DOCK2: variants seen among roughly 807,000 people sequenced by gnomAD.
DOCK2 encodes the protein dedicator of cytokinesis protein 2.
Under a neutral mutation model 248.9 loss-of-function variants are expected in DOCK2, and 87 were observed. That is an observed-to-expected ratio of 0.35 (90% CI 0.29 to 0.42). DOCK2 has a LOEUF of 0.42. Ranked by LOEUF, DOCK2 falls within the 10% of genes least tolerant of loss-of-function variation. DOCK2 has a pLI of 1.00. For missense variants in DOCK2, 1,747 were observed against 2,300.2 expected (o/e 0.76, Z 4.92); for synonymous variants, 805 against 821.6 (o/e 0.98, Z 0.35).
chr5:169,897,848 A>G (rs1773701557), intron 27 of DOCK2, among the ~76,000 whole-genome samples: 1 of 152,208 alleles, frequency 6.6e-6, no homozygotes, highest in East Asian at 1.9e-4. Context: ...GGTCTATGTA[A>G]TAGAGGAGTG....
intron 26 of DOCK2, among the ~76,000 whole-genome samples, chr5:169,823,546 A>G (rs1244032460): frequency 6.6e-6 from 1 of 152,246 alleles, no homozygotes; most frequent in Non-Finnish European, 1.5e-5. Flanking sequence ...TAGATGCAGA[A>G]AAGGCCTTTG....
chr5:169,934,478 T>C (rs1775895836), intron 27 of DOCK2, among the ~76,000 whole-genome samples: 1 of 152,208 alleles, frequency 6.6e-6, no homozygotes, highest in Non-Finnish European at 1.5e-5. Context: ...TAGTAAGAGG[T>C]GCATGCACAT....
rs565704705 is a variant in DOCK2, at chr5:170,013,292, A to G, written c.3232+4546A>G. ...TTTACTCATTCGTTTACTAACCAAC[A>G]TCGAGCACTGTGGTAGGCTCCCCAA... On this transcript the variant is annotated intron_variant, in intron 32 of 51. Transcript: ENST00000520908. Among the ~76,000 whole-genome samples the G allele has an allele frequency of 6.6e-5, 10 of 152,226 alleles. No individual in the cohort carries two copies. The South Asian group carries it at 2.1e-3, about 32-fold the overall frequency.
intron 36 of DOCK2, chr5:170,040,703 G>C: frequency 4.2e-6 from 1 of 240,808 alleles, no homozygotes; most frequent in Non-Finnish European, 7.9e-6. Context: ...ATATTGCATT[G>C]GCCAGACCAT....
intron 27 of DOCK2, chr5:169,882,523 A>G: frequency 6.6e-7 from 1 of 1,508,732 alleles, no homozygotes; most frequent in Non-Finnish European, 8.9e-7. Context: ...TCACCCAGTC[A>G]TTTTTAATAT....
chr5:169,859,127 A>G (rs1385629463), intron 27 of DOCK2, among the ~76,000 whole-genome samples: 1 of 152,236 alleles, frequency 6.6e-6, no homozygotes, highest in Non-Finnish European at 1.5e-5. Flanking sequence ...CAGGATGCCC[A>G]CAGTGGAGAG....
At chr5:169,774,366 T>C (rs924461898) in intron 25 of DOCK2, among the ~76,000 whole-genome samples, 1 of 152,208 alleles carries the variant, frequency 6.6e-6, no homozygotes, top group Non-Finnish European at 1.5e-5. Flanking sequence ...ATGACATCCA[T>C]GTAAAGTGTA....
intron 27 of DOCK2, chr5:169,882,434 A>G (rs1218633048): frequency 1.2e-6 from 1 of 806,082 alleles, no homozygotes; most frequent in Non-Finnish European, 1.9e-6. Context: ...TTGGAGAAAC[A>G]ACAGTGCTTC....
intron 25 of DOCK2, among the ~76,000 whole-genome samples, chr5:169,784,772 G>T (rs1765897218): frequency 6.6e-6 from 1 of 152,138 alleles, no homozygotes; most frequent in Non-Finnish European, 1.5e-5. Flanking sequence ...TTATGGCAAA[G>T]GATACTGGTT....
At chr5:170,037,188 T>C (rs1232551275) in intron 36 of DOCK2, among the ~76,000 whole-genome samples, 4 of 151,784 alleles carry the variant, frequency 2.6e-5, no homozygotes, top group Non-Finnish European at 5.9e-5. Context: ...ACACAACAAA[T>C]GAAATAAATT....
intron 30 of DOCK2, 105 bp downstream of exon 30, chr5:169,996,269 C>A: frequency 8.5e-7 from 1 of 1,169,954 alleles, no homozygotes; most frequent in East Asian, 2.5e-5. Flanking sequence ...AGAAGCTGTC[C>A]CAGTCTCTCC....
chr5:169,766,461 C>A (rs914524983), intron 25 of DOCK2, among the ~76,000 whole-genome samples: 1 of 152,164 alleles, frequency 6.6e-6, no homozygotes, highest in Non-Finnish European at 1.5e-5. Context: ...TTTTCTTTAT[C>A]CAGTCCACCA....
At chr5:170,015,559 T>A (rs921856591) in intron 32 of DOCK2, among the ~76,000 whole-genome samples, 2 of 114,466 alleles carry the variant, frequency 1.7e-5, no homozygotes, top group African/African-American at 4.5e-5. Context: ...GAACTGATTT[T>A]AGGTTTTTTT....
chr5:169,843,210 G>A (rs1770090052), intron 27 of DOCK2, among the ~76,000 whole-genome samples: 1 of 152,108 alleles, frequency 6.6e-6, no homozygotes, highest in South Asian at 2.1e-4. Context: ...CTTTCAACAT[G>A]TTGAAATCCT....
chr5:170,006,206 C>G (rs1447624545), intron 30 of DOCK2, among the ~76,000 whole-genome samples: 1 of 152,186 alleles, frequency 6.6e-6, no homozygotes, highest in Non-Finnish European at 1.5e-5. Flanking sequence ...CCCAACCTGC[C>G]ACATGTGTTT....
chr5:169,690,849 C>T (rs979798831), intron 9 of DOCK2, among the ~76,000 whole-genome samples: 3 of 152,190 alleles, frequency 2.0e-5, no homozygotes, highest in African/African-American at 7.2e-5. Flanking sequence ...TGGGCCACAC[C>T]TCCGCTCCTC....
intron 27 of DOCK2, among the ~76,000 whole-genome samples, chr5:169,944,298 G>A (rs549945137): frequency 2.0e-5 from 3 of 152,310 alleles, no homozygotes; most frequent in Middle Eastern, 3.4e-3. Context: ...AGGTGATGAC[G>A]GCAGTGTGGC....
chr5:169,744,142 G>A (rs1396543388), intron 22 of DOCK2, among the ~76,000 whole-genome samples: 2 of 152,024 alleles, frequency 1.3e-5, no homozygotes, highest in Non-Finnish European at 2.9e-5. Context: ...TGTGTTATCT[G>A]CCTTCCCCTG....
intron 41 of DOCK2, among the ~76,000 whole-genome samples, chr5:170,054,911 G>A (rs1307612070): frequency 1.3e-5 from 2 of 152,118 alleles, no homozygotes; most frequent in Non-Finnish European, 2.9e-5. Context: ...GCCTCGAAGG[G>A]GACAATTTAG....
Sources: gnomAD v4.1 joint callset for allele counts (sites outside exome capture counted in the v4.1 genomes callset) on GRCh38, gnomAD v4.1.1 for gene constraint, MANE v1.5 for transcripts, NCBI Gene and HGNC (gene_info 2026-07-23, HGNC 2026-07-21) for gene names.